Variants in BICD1 observed in about 807,000 individuals in gnomAD.
BICD1 encodes BICD cargo adaptor 1.
In BICD1, 35 loss-of-function variants were observed where a neutral mutation model predicts 92.5. The ratio of observed to expected loss-of-function variants is 0.38; its 90% CI spans 0.29 to 0.50. BICD1 has a LOEUF of 0.50. BICD1 is among the 20% of genes least tolerant of loss of function. The pLI is 0.93. For synonymous variants in BICD1, 429 were observed against 465.1 expected (o/e 0.92, Z 1.00); for missense variants, 950 against 1,189.8 (o/e 0.80, Z 2.97).
At chr12:32,357,576 T>G (rs1249835896) in intron 8 of BICD1, among the ~76,000 whole-genome samples, 1 of 152,162 alleles carries the variant, frequency 6.6e-6, no homozygotes, top group Non-Finnish European at 1.5e-5. Context: ...GACCACAGAC[T>G]GGATGCCTTA....
chr12:32,216,707 C>T (rs1459127734), intron 2 of BICD1, among the ~76,000 whole-genome samples: 1 of 152,106 alleles, frequency 6.6e-6, no homozygotes, highest in East Asian at 1.9e-4. Context: ...TCGGAATTGG[C>T]CTTACTATTT....
At chr12:32,246,186 T>C (rs73310766) in intron 2 of BICD1, among the ~76,000 whole-genome samples, 6,264 of 150,082 alleles carry the variant, frequency 0.042, 445 homozygotes, top group African/African-American at 0.14. Context: ...TCAAGAAATA[T>C]GAATTATAGC....
chr12:32,184,432 G>T (rs1011043899), intron 1 of BICD1, among the ~76,000 whole-genome samples: 1 of 152,014 alleles, frequency 6.6e-6, no homozygotes, highest in Non-Finnish European at 1.5e-5. Context: ...GATTACAGAC[G>T]CATGCCACCA....
intron 1 of BICD1, among the ~76,000 whole-genome samples, chr12:32,171,988 C>CATATAT (rs144322675): frequency 0.019 from 2,455 of 132,504 alleles, 51 homozygotes; most frequent in East Asian, 0.053. Context: ...CACACACACA[C>CATATAT]ACTAAAACTG....
At chr12:32,114,197 A>C (rs1941807177) in intron 1 of BICD1, among the ~76,000 whole-genome samples, 1 of 151,972 alleles carries the variant, frequency 6.6e-6, no homozygotes, top group African/African-American at 2.4e-5. Context: ...AGTAGAGAGA[A>C]GATTTCAAAC....
At position 32,346,978 on chromosome 12, in the gene BICD1, T is replaced by C. The variant is rs1473300743; in HGVS notation, c.2764+7999T>C. ...CTTTTTTTTTTTTTTTAAGACAGAA[T>C]CTTGCTCTTGTTGCCCAGGCTGGAG... On this transcript the variant is annotated intron_variant, in intron 8 of 9. Transcript: ENST00000652176. 4.1e-5 allele frequency among the ~76,000 whole-genome samples: 6 copies of C among 146,480 alleles called. No homozygotes were observed. In the East Asian group the frequency reaches 1.0e-3, roughly 25 times the overall value.
chr12:32,266,848 ACT>A (rs1400013960), intron 2 of BICD1, among the ~76,000 whole-genome samples: 1 of 126,588 alleles, frequency 7.9e-6, no homozygotes. Context: ...ATAGAATGAG[ACT>A]CTGTCTCAAA....
rs537600757 is a variant in BICD1 at position 32,179,671 on chromosome 12, G to A, written c.214-36576G>A. Among the ~76,000 whole-genome samples the A allele has an allele frequency of 6.6e-5, 10 of 151,958 alleles. No homozygotes were observed. The South Asian group carries it at 1.7e-3, about 25-fold the overall frequency. On this transcript the variant is annotated intron_variant, in intron 1 of 9. Coordinates refer to ENST00000652176, the MANE Select transcript of BICD1 (RefSeq NM_001714.4). ...GATTTTTAAAAATTATGTGACAATT[G>A]TGTATTAGACTGAAGTAATTAATAC...
At chr12:32,159,421 TG>T (rs370381793) in intron 1 of BICD1, among the ~76,000 whole-genome samples, 85 of 152,284 alleles carry the variant, frequency 5.6e-4, no homozygotes, top group African/African-American at 2.0e-3. Context: ...CATAGTTGTC[TG>T]GGGCTATTTA....
At chr12:32,122,842 A>G (rs1383321006) in intron 1 of BICD1, among the ~76,000 whole-genome samples, 2 of 152,244 alleles carry the variant, frequency 1.3e-5, no homozygotes, top group South Asian at 2.1e-4. Context: ...ATGTATTTAA[A>G]TTTGTGATGC....
intron 1 of BICD1, among the ~76,000 whole-genome samples, chr12:32,117,758 A>ATATAT (rs1491222610): frequency 9.3e-6 from 1 of 107,914 alleles, no homozygotes; most frequent in Non-Finnish European, 1.9e-5. Context: ...ATATATATAT[A>ATATAT]TTTTTTTTTA....
At chr12:32,220,685 G>A (rs1023947044) in intron 2 of BICD1, among the ~76,000 whole-genome samples, 5 of 149,154 alleles carry the variant, frequency 3.4e-5, no homozygotes, top group African/African-American at 1.2e-4. Context: ...AGTCAGTGTG[G>A]CGATTCCTCA....
At chr12:32,218,428 T>A (rs1002381731) in intron 2 of BICD1, among the ~76,000 whole-genome samples, 2 of 152,150 alleles carry the variant, frequency 1.3e-5, no homozygotes, top group African/African-American at 4.8e-5. Flanking sequence ...TAATTTGCAT[T>A]TCTAACAAGT....
chr12:32,282,202 C>CTTTTTTTTTTTTT (rs56217529), intron 2 of BICD1, among the ~76,000 whole-genome samples: 1 of 94,236 alleles, frequency 1.1e-5, no homozygotes, highest in Non-Finnish European at 2.0e-5. Context: ...AGGTCTTCTT[C>CTTTTTTTTTTTTT]TTTTTTTTTT....
intron 1 of BICD1, among the ~76,000 whole-genome samples, chr12:32,119,669 T>A (rs1942072816): frequency 6.6e-6 from 1 of 152,186 alleles, no homozygotes; most frequent in Admixed American, 6.5e-5. Context: ...GCCAGGAGTT[T>A]GAGACCAGCC....
chr12:32,170,879 A>G (rs7301873), intron 1 of BICD1, among the ~76,000 whole-genome samples: 3,880 of 152,242 alleles, frequency 0.025, 169 homozygotes, highest in African/African-American at 0.089. Flanking sequence ...GACAGCCCCC[A>G]CACCAGCATG....
chr12:32,320,000 T>A (rs1295677804), intron 4 of BICD1, among the ~76,000 whole-genome samples: 1 of 152,226 alleles, frequency 6.6e-6, no homozygotes, highest in Non-Finnish European at 1.5e-5. Context: ...TAGACACTTT[T>A]AACAACTGAT....
intron 1 of BICD1, among the ~76,000 whole-genome samples, chr12:32,156,594 C>T (rs1169224285): frequency 6.6e-6 from 1 of 152,216 alleles, no homozygotes; most frequent in Non-Finnish European, 1.5e-5. Context: ...ATCATTTCCC[C>T]TAAAATTCTG....
chr12:32,266,313 A>T (rs1946994482), intron 2 of BICD1, among the ~76,000 whole-genome samples: 1 of 152,210 alleles, frequency 6.6e-6, no homozygotes, highest in African/African-American at 2.4e-5. Flanking sequence ...GAAATTTCAA[A>T]TTTTACTAAA....
Sources: gnomAD v4.1 joint callset for allele counts (sites outside exome capture counted in the v4.1 genomes callset) on GRCh38, gnomAD v4.1.1 for gene constraint, MANE v1.5 for transcripts, NCBI Gene and HGNC (gene_info 2026-07-23, HGNC 2026-07-21) for gene names.